Variants in KLHDC4 observed in about 807,000 individuals in gnomAD.
The protein encoded by KLHDC4 is kelch domain containing 4, also known as kelch domain-containing protein 4.
KLHDC4 carries 90 observed loss-of-function variants against 62.4 expected under a neutral mutation model. The ratio of observed to expected loss-of-function variants is 1.44; its 90% CI spans 1.22 to 1.72. The LOEUF (loss-of-function observed/expected upper bound fraction) is 1.72. Ranked by LOEUF, KLHDC4 falls within the 40% of genes most tolerant of loss-of-function variation. The pLI is 0.00. For missense variants in KLHDC4, 1,025 were observed against 699.7 expected, an observed-to-expected ratio of 1.47 and a Z score of -5.25; for synonymous variants, 386 against 284.4, an observed-to-expected ratio of 1.36 and a Z score of -3.59.
chr16:87,751,641 A>C (rs1048657388), intron 4 of KLHDC4, among the ~76,000 whole-genome samples: 2 of 152,186 alleles, frequency 1.3e-5, no homozygotes, highest in Non-Finnish European at 2.9e-5. Flanking sequence ...ATTCCTGGCC[A>C]GGTGCAGTGG....
chr16:87,708,292 G>A, intron 11 of KLHDC4, 58 bp downstream of exon 11: 1 of 1,160,238 alleles, frequency 8.6e-7, no homozygotes, highest in Non-Finnish European at 1.2e-6. Flanking sequence ...CGATAAACAT[G>A]AAAAGCCTTT....
intron 7 of KLHDC4, among the ~76,000 whole-genome samples, chr16:87,717,209 C>T (rs546064593): frequency 3.9e-4 from 59 of 152,284 alleles, no homozygotes; most frequent in Non-Finnish European, 6.2e-4. Context: ...CCAGCCTGGA[C>T]GACAGAGTGA....
chr16:87,761,340 C>T (rs1426177682), intron 2 of KLHDC4, among the ~76,000 whole-genome samples: 2 of 152,186 alleles, frequency 1.3e-5, no homozygotes, highest in Non-Finnish European at 2.9e-5. Flanking sequence ...CCTCCACTCC[C>T]GATGGGCTGA....
intron 2 of KLHDC4, among the ~76,000 whole-genome samples, chr16:87,759,048 G>A (rs1396469975): frequency 6.6e-6 from 1 of 152,136 alleles, no homozygotes; most frequent in Non-Finnish European, 1.5e-5. Context: ...GGTGGCGCAT[G>A]CCTGTAATCC....
chr16:87,728,690 T>C (rs1356515827), intron 6 of KLHDC4, among the ~76,000 whole-genome samples: 3 of 152,124 alleles, frequency 2.0e-5, no homozygotes, highest in African/African-American at 7.2e-5. Flanking sequence ...ATTTTAAGAA[T>C]GAACATAAGG....
At chr16:87,738,063 G>C (rs60040265) in intron 5 of KLHDC4, among the ~76,000 whole-genome samples, 2 of 152,114 alleles carry the variant, frequency 1.3e-5, no homozygotes, top group Non-Finnish European at 2.9e-5. Context: ...GGTTACTGTG[G>C]AGTCAGAGAG....
In KLHDC4 at chr16:87,708,344, G is replaced by C; in HGVS notation, c.*1+6C>G. On this transcript the variant is annotated splice_donor_region_variant and intron_variant, in intron 11 of 11. Coordinates refer to ENST00000270583, the MANE Select transcript of KLHDC4 (RefSeq NM_017566.4). Reference sequence around the variant, plus strand: ...CCGCGCCACCCGCCAGCCCGAGCCCGCTCACCTCAGTCCTCCGCACCGCTC... The same window carrying C: ...CCGCGCCACCCGCCAGCCCGAGCCCCCTCACCTCAGTCCTCCGCACCGCTC... 6.4e-7 allele frequency: 1 copy of C among 1,570,664 alleles called. No individual in the cohort carries two copies.
intron 4 of KLHDC4, among the ~76,000 whole-genome samples, chr16:87,751,406 A>T (rs2043909547): frequency 6.6e-6 from 1 of 151,950 alleles, no homozygotes; most frequent in African/African-American, 2.4e-5. Flanking sequence ...CCTGGGAGGC[A>T]GAAGTTGCAG....
At chr16:87,757,949 GAC>G (rs902933650) in intron 2 of KLHDC4, among the ~76,000 whole-genome samples, 1 of 152,210 alleles carries the variant, frequency 6.6e-6, no homozygotes, top group Admixed American at 6.6e-5. Flanking sequence ...AGTAATGAAA[GAC>G]ACAGTGACTA....
At chr16:87,710,426 C>G (rs111601857) in intron 9 of KLHDC4, 1 of 152,258 alleles carries the variant, frequency 6.6e-6, no homozygotes, top group African/African-American at 2.4e-5. Context: ...CACTTTGTGT[C>G]TGGACTCTGC....
intron 9 of KLHDC4, chr16:87,709,968 C>G (rs1263911622): frequency 2.5e-6 from 1 of 398,298 alleles, no homozygotes; most frequent in Non-Finnish European, 4.5e-6. Context: ...CCACCAGACC[C>G]CACACACAGG....
In KLHDC4 at chr16:87,714,834, G is replaced by A. The variant is rs184370295; in HGVS notation, c.760-261C>T. On this transcript the variant is annotated intron_variant, in intron 7 of 11. Coordinates refer to ENST00000270583, the MANE Select transcript of KLHDC4 (RefSeq NM_017566.4). ...TACACTAGAGTTCCTGTCGGGGCACGCACAGCTTCCACAGCAGCCCTGGTC... is the reference window on the plus strand; with the variant it reads ...TACACTAGAGTTCCTGTCGGGGCACACACAGCTTCCACAGCAGCCCTGGTC... Among the ~76,000 whole-genome samples the A allele has an allele frequency of 4.6e-5, 7 of 152,252 alleles. No individual in the cohort carries two copies. The East Asian group carries it at 9.7e-4, about 21-fold the overall frequency.
At chr16:87,714,476 C>T (rs1597412830) in intron 8 of KLHDC4, 22 bp downstream of exon 8, 1 of 1,613,804 alleles carries the variant, frequency 6.2e-7, no homozygotes, top group Non-Finnish European at 8.5e-7. Flanking sequence ...CAGCTCCCGC[C>T]CTGGAGGCAC....
At chr16:87,752,059 C>G (rs986305479) in intron 4 of KLHDC4, among the ~76,000 whole-genome samples, 8 of 117,468 alleles carry the variant, frequency 6.8e-5, no homozygotes, top group African/African-American at 2.7e-4. Context: ...CACTGCACTC[C>G]AGCCTGGGCA....
At position 87,717,807 on chromosome 16, in the gene KLHDC4, G is replaced by A. The variant is rs201584888; in HGVS notation, c.760-3234C>T. On this transcript the variant is annotated intron_variant, in intron 7 of 11. Coordinates refer to ENST00000270583, the MANE Select transcript of KLHDC4 (RefSeq NM_017566.4). ...GAAACTCAAATCGCTGCTTAGCTTC[G>A]GCAGGTCTCTGTCTCCTTGTAGTAC... Among the ~76,000 whole-genome samples the A allele has an allele frequency of 1.0e-3, 151 of 149,160 alleles. 2 individuals are homozygous for A. Among genetic ancestry groups the A allele is most frequent in the African/African-American group, 3.8e-3 (146 of 38,652 alleles).
intron 7 of KLHDC4, among the ~76,000 whole-genome samples, chr16:87,725,582 C>CCTTTTTAAA (rs1447498982): frequency 6.6e-6 from 1 of 152,154 alleles, no homozygotes; most frequent in Non-Finnish European, 1.5e-5. Flanking sequence ...ATTTTTTAAA[C>CCTTTTTAAA]CCCTACAGTG....
At chr16:87,752,092 A>G (rs1203974644) in intron 4 of KLHDC4, among the ~76,000 whole-genome samples, 2 of 131,752 alleles carry the variant, frequency 1.5e-5, no homozygotes, top group Admixed American at 7.6e-5. Context: ...TTTGTCTCAA[A>G]AAAAAAAAAA....
At chr16:87,717,611 T>C (rs1461760113) in intron 7 of KLHDC4, among the ~76,000 whole-genome samples, 2 of 152,180 alleles carry the variant, frequency 1.3e-5, no homozygotes, top group Admixed American at 1.3e-4. Context: ...TTACAGACAG[T>C]GATTGAGACT....
intron 7 of KLHDC4, among the ~76,000 whole-genome samples, chr16:87,724,333 A>C (rs2038964315): frequency 6.6e-6 from 1 of 152,234 alleles, no homozygotes; most frequent in Admixed American, 6.5e-5. Context: ...TTCCTGTATC[A>C]CAGACCGCAA....
Sources: gnomAD v4.1 joint callset for allele counts (sites outside exome capture counted in the v4.1 genomes callset) on GRCh38, gnomAD v4.1.1 for gene constraint, MANE v1.5 for transcripts, NCBI Gene and HGNC (gene_info 2026-07-23, HGNC 2026-07-21) for gene names.